NXPE2: variants seen among roughly 807,000 people sequenced by gnomAD.
NXPE2 encodes NXPE family member 2.
In NXPE2, 34 loss-of-function variants were observed where a neutral mutation model predicts 34.4. The observed-to-expected ratio is 0.99, with a 90% CI of 0.75 to 1.31. The LOEUF (loss-of-function observed/expected upper bound fraction) is 1.31. Among genes scored for constraint, NXPE2 ranks in the 40% most tolerant of loss-of-function variants. The probability of loss-of-function intolerance (pLI) is 0.00; values close to 1 mark genes in which losing one functional copy is unlikely to be tolerated. For missense variants in NXPE2, 649 were observed against 672.5 expected (o/e 0.97, Z 0.39); for synonymous variants, 235 against 231.3 (o/e 1.02, Z -0.15).
chr11:114,789,722 G>A, the NXPE2 span, among the ~76,000 whole-genome samples: 3 of 152,198 alleles, frequency 2.0e-5, no homozygotes, highest in Non-Finnish European at 4.4e-5. Flanking sequence ...GGCCTCTTGA[G>A]GCGGCCTTGG....
At chr11:114,563,222 G>A in the NXPE2 span, among the ~76,000 whole-genome samples, 2 of 152,040 alleles carry the variant, frequency 1.3e-5, no homozygotes, top group Non-Finnish European at 2.9e-5. Flanking sequence ...CAGTACAAGA[G>A]GCAATAAAGA....
At chr11:114,557,950 AAT>A in the NXPE2 span, among the ~76,000 whole-genome samples, 132 of 151,976 alleles carry the variant, frequency 8.7e-4, no homozygotes, top group African/African-American at 3.0e-3. Context: ...CAGCACTTTG[AAT>A]ATGTTACCTC....
chr11:114,625,198 T>C, the NXPE2 span, among the ~76,000 whole-genome samples: 65,409 of 151,634 alleles, frequency 0.43, 15,283 homozygotes, highest in African/African-American at 0.61. Context: ...CGTGTGGCCT[T>C]GTGGGTAACC....
chr11:114,533,593 T>C, the NXPE2 span, among the ~76,000 whole-genome samples: 16 of 152,314 alleles, frequency 1.1e-4, no homozygotes, highest in African/African-American at 3.8e-4. Flanking sequence ...ACCCTAATAC[T>C]GCGCTTTTCC....
chr11:114,552,634 C>A, the NXPE2 span, among the ~76,000 whole-genome samples: 1 of 151,994 alleles, frequency 6.6e-6, no homozygotes, highest in South Asian at 2.1e-4. Flanking sequence ...GCCCCCGAGA[C>A]TGATCCAGGT....
chr11:114,640,227 A>G, the NXPE2 span, among the ~76,000 whole-genome samples: 1 of 140,218 alleles, frequency 7.1e-6, no homozygotes, highest in South Asian at 2.2e-4. Context: ...TAATTTATAT[A>G]TATAAATTAT....
the NXPE2 span, among the ~76,000 whole-genome samples, chr11:114,555,707 A>G: frequency 1.3e-5 from 2 of 152,176 alleles, no homozygotes; most frequent in African/African-American, 4.8e-5. Context: ...GCCCCGGATA[A>G]TCACAGATTT....
chr11:114,547,759 A>G, the NXPE2 span, among the ~76,000 whole-genome samples: 1 of 152,038 alleles, frequency 6.6e-6, no homozygotes, highest in African/African-American at 2.4e-5. Flanking sequence ...ATGATGTAAC[A>G]TGGCACCCTG....
chr11:114,492,440 T>C, the NXPE2 span, among the ~76,000 whole-genome samples: 1 of 152,172 alleles, frequency 6.6e-6, no homozygotes, highest in Non-Finnish European at 1.5e-5. Context: ...ATCCAGGTGC[T>C]GAGAAGAATG....
chr11:114,646,601 C>T, the NXPE2 span, among the ~76,000 whole-genome samples: 1 of 150,576 alleles, frequency 6.6e-6, no homozygotes, highest in Non-Finnish European at 1.5e-5. Flanking sequence ...AAATATGTTA[C>T]ATATTCTCAG....
the NXPE2 span, among the ~76,000 whole-genome samples, chr11:114,663,296 C>A: frequency 1.3e-5 from 2 of 152,250 alleles, no homozygotes; most frequent in East Asian, 1.9e-4. Flanking sequence ...CCATTAATAT[C>A]CATTGTAGCC....
the NXPE2 span, among the ~76,000 whole-genome samples, chr11:114,626,556 A>T: frequency 6.6e-6 from 1 of 152,176 alleles, no homozygotes; most frequent in African/African-American, 2.4e-5. Context: ...GGTAGATAAA[A>T]CCACAAAGAT....
At chr11:114,601,618 TATTATATATTATTTATAATTATATATA>T in the NXPE2 span, among the ~76,000 whole-genome samples, 1 of 1,900 alleles carries the variant, frequency 5.3e-4, no homozygotes. Context: ...TATAATTATA[TATTATATATTATTTATAATTATATATA>T]ATTATATATT....
the NXPE2 span, among the ~76,000 whole-genome samples, chr11:114,576,476 T>C: frequency 6.6e-6 from 1 of 151,682 alleles, no homozygotes; most frequent in African/African-American, 2.4e-5. Context: ...ATATCCAGAA[T>C]CTACAAAGAA....
the NXPE2 span, among the ~76,000 whole-genome samples, chr11:114,466,172 T>C: frequency 6.6e-6 from 1 of 152,228 alleles, no homozygotes; most frequent in East Asian, 1.9e-4. Flanking sequence ...AATTTATTTG[T>C]AGCTTGAAAA....
the NXPE2 span, among the ~76,000 whole-genome samples, chr11:114,576,868 C>T: frequency 6.6e-6 from 1 of 150,416 alleles, no homozygotes; most frequent in Non-Finnish European, 1.5e-5. Flanking sequence ...AGTCATTATA[C>T]GAAAAAAATA....
the NXPE2 span, among the ~76,000 whole-genome samples, chr11:114,601,871 A>G: frequency 4.7e-4 from 2 of 4,252 alleles, no homozygotes; most frequent in Non-Finnish European, 6.1e-4. Flanking sequence ...ACAATTATAT[A>G]TATTATATAT....
chr11:114,718,244 T>A, the NXPE2 span, among the ~76,000 whole-genome samples: 2 of 152,220 alleles, frequency 1.3e-5, no homozygotes, highest in Non-Finnish European at 2.9e-5. Flanking sequence ...CTTCTCTGTA[T>A]TTTGGTTTCA....
At chr11:114,568,099 C>T in the NXPE2 span, among the ~76,000 whole-genome samples, 1 of 152,134 alleles carries the variant, frequency 6.6e-6, no homozygotes, top group Non-Finnish European at 1.5e-5. Context: ...CTAGAAAGTG[C>T]TAACTTCTGA....
Sources: allele counts gnomAD v4.1 joint callset (sites outside exome capture counted in the v4.1 genomes callset), GRCh38; gene constraint gnomAD v4.1.1; transcripts MANE v1.5; gene names NCBI Gene and HGNC (gene_info 2026-07-23, HGNC 2026-07-21).